The following INO80 variants were observed in gnomAD, a reference collection of about 807,000 sequenced individuals.
INO80 encodes the protein INO80 complex ATPase subunit.
INO80 carries 20 observed loss-of-function variants against 203.4 expected under a neutral mutation model. The observed-to-expected ratio is 0.10, with a 90% CI of 0.07 to 0.14. The LOEUF is 0.14. Ranked by LOEUF, INO80 falls within the 10% of genes least tolerant of loss-of-function variation. The pLI is 1.00. For synonymous variants in INO80, 726 were observed against 685.2 expected (o/e 1.06, Z -0.93); for missense variants, 1,419 against 1,914.4 (o/e 0.74, Z 4.83).
chr15:41,048,544 T>C (rs562664251), intron 21 of INO80, among the ~76,000 whole-genome samples: 2 of 152,316 alleles, frequency 1.3e-5, no homozygotes, highest in South Asian at 4.1e-4. Context: ...AGGTATCATA[T>C]ACCATACTAA....
At chr15:41,096,060 G>A in intron 2 of INO80, 108 bp downstream of exon 2, 1 of 1,419,072 alleles carries the variant, frequency 7.0e-7, no homozygotes, top group Non-Finnish European at 9.5e-7. Flanking sequence ...AGAGGCAAAA[G>A]AAAATATCAA....
intron 11 of INO80, among the ~76,000 whole-genome samples, chr15:41,072,275 G>A (rs190973518): frequency 1.3e-5 from 2 of 151,864 alleles, no homozygotes; most frequent in Non-Finnish European, 2.9e-5. Flanking sequence ...TTAGAAATTG[G>A]GGAAGGTCAC....
intron 24 of INO80, among the ~76,000 whole-genome samples, chr15:41,030,598 G>C (rs1039309900): frequency 2.0e-5 from 3 of 152,138 alleles, no homozygotes; most frequent in Non-Finnish European, 4.4e-5. Context: ...CTGGCCACAA[G>C]TGATCCCCTC....
chr15:41,099,254 A>C (rs1396041896), intron 1 of INO80, among the ~76,000 whole-genome samples: 2 of 135,496 alleles, frequency 1.5e-5, no homozygotes, highest in East Asian at 3.9e-4. Flanking sequence ...AAAAAAAAAA[A>C]AAAAAAAAAA....
At chr15:41,042,049 T>C (rs955220670) in intron 24 of INO80, among the ~76,000 whole-genome samples, 37 of 150,708 alleles carry the variant, frequency 2.5e-4, no homozygotes, top group Admixed American at 6.6e-4. Context: ...AATCTTGCTC[T>C]GTTGCCCAGG....
intron 1 of INO80, among the ~76,000 whole-genome samples, chr15:41,114,064 C>T (rs2045993294): frequency 6.6e-6 from 1 of 151,934 alleles, no homozygotes; most frequent in Non-Finnish European, 1.5e-5. Context: ...GTCAGGGGCT[C>T]GAGACCAGCC....
At chr15:41,067,457 A>G (rs1199154674) in intron 14 of INO80, among the ~76,000 whole-genome samples, 2 of 152,326 alleles carry the variant, frequency 1.3e-5, no homozygotes, top group East Asian at 3.9e-4. Context: ...GATGGTGATC[A>G]CCATTCCACA....
intron 30 of INO80, 49 bp downstream of exon 30, chr15:40,987,760 TGGTTGGA>T: frequency 1.3e-6 from 2 of 1,506,452 alleles, no homozygotes; most frequent in Non-Finnish European, 1.8e-6. Context: ...GCAGTCAATG[TGGTTGGA>T]CTTTCTGTTT....
At chr15:41,099,259 A>AC (rs2045770513) in intron 1 of INO80, among the ~76,000 whole-genome samples, 1 of 132,858 alleles carries the variant, frequency 7.5e-6, no homozygotes, top group South Asian at 2.5e-4. Flanking sequence ...AAAAAAAAAA[A>AC]AAAAAAAACA....
intron 1 of INO80, among the ~76,000 whole-genome samples, chr15:41,103,094 G>C (rs1006769754): frequency 2.0e-5 from 3 of 152,094 alleles, no homozygotes; most frequent in African/African-American, 7.2e-5. Flanking sequence ...ACAGCAGCTA[G>C]TTCATCTGTC....
Position 41,085,361 on chromosome 15 carries a change from T to C in INO80, c.873+8A>G. Reference sequence around the variant, plus strand: ...CCTAATTTCCATCTCCTGGAGGCATTCACTTACCTTTGGTAGTTCCTTTTT... The same window carrying C: ...CCTAATTTCCATCTCCTGGAGGCATCCACTTACCTTTGGTAGTTCCTTTTT... On this transcript the variant is annotated splice_region_variant and intron_variant, in intron 7 of 35. Coordinates refer to ENST00000648947, the MANE Select transcript of INO80 (RefSeq NM_017553.3). 2 of 1,612,858 alleles carry C rather than the reference T, an allele frequency of 1.2e-6. No homozygotes were observed. Among genetic ancestry groups the C allele is most frequent in the Middle Eastern group, 3.3e-4 (2 of 6,056 alleles).
intron 24 of INO80, among the ~76,000 whole-genome samples, chr15:41,041,516 T>C (rs540615629): frequency 4.0e-5 from 6 of 151,528 alleles, no homozygotes; most frequent in South Asian, 4.2e-4. Flanking sequence ...TCTTGGCTCA[T>C]TGCAACCTCC....
intron 4 of INO80, among the ~76,000 whole-genome samples, chr15:41,095,365 T>C (rs2045707131): frequency 6.6e-6 from 1 of 152,168 alleles, no homozygotes; most frequent in African/African-American, 2.4e-5. Context: ...GAAACACGTC[T>C]GGTCTCAAGC....
chr15:41,114,851 T>A (rs1283018075), intron 1 of INO80, among the ~76,000 whole-genome samples: 1 of 152,052 alleles, frequency 6.6e-6, no homozygotes, highest in Non-Finnish European at 1.5e-5. Context: ...AAAAATATAT[T>A]AATAGTTACC....
chr15:41,093,592 G>A (rs562136858), intron 4 of INO80, among the ~76,000 whole-genome samples: 188 of 151,952 alleles, frequency 1.2e-3, no homozygotes, highest in African/African-American at 4.3e-3. Flanking sequence ...GGCCAGGCAC[G>A]GTGGCTCACA....
intron 27 of INO80, among the ~76,000 whole-genome samples, chr15:41,008,866 C>T (rs1050986137): frequency 2.0e-5 from 3 of 152,174 alleles, no homozygotes; most frequent in Admixed American, 6.5e-5. Context: ...TGGAGTCTCG[C>T]TCTGTTGCCC....
At chr15:40,985,074 C>T (rs1893969773) in intron 32 of INO80, among the ~76,000 whole-genome samples, 1 of 152,140 alleles carries the variant, frequency 6.6e-6, no homozygotes, top group African/African-American at 2.4e-5. Flanking sequence ...TTTAGCCTTC[C>T]ACGCTTTGTA....
At chr15:41,039,552 CGTAT>C (rs1270074361) in intron 24 of INO80, among the ~76,000 whole-genome samples, 1 of 152,270 alleles carries the variant, frequency 6.6e-6, no homozygotes, top group East Asian at 1.9e-4. Context: ...ACATTAATTA[CGTAT>C]GTTTCTCCTT....
chr15:41,087,718 T>C, intron 5 of INO80, 36 bp from the exon 6 acceptor site: 1 of 1,580,584 alleles, frequency 6.3e-7, no homozygotes, highest in Non-Finnish European at 8.6e-7. Flanking sequence ...GCCTGTTTTC[T>C]ATAGTACAGC....
Sources: gnomAD v4.1 joint callset for allele counts (sites outside exome capture counted in the v4.1 genomes callset) on GRCh38, gnomAD v4.1.1 for gene constraint, MANE v1.5 for transcripts, NCBI Gene and HGNC (gene_info 2026-07-23, HGNC 2026-07-21) for gene names.